The following GRM8 variants were observed in gnomAD, a reference collection of about 807,000 sequenced individuals.
GRM8 encodes the protein glutamate metabotropic receptor 8.
GRM8 carries 47 observed loss-of-function variants against 87.2 expected under a neutral mutation model. The observed-to-expected ratio is 0.54, with a 90% CI of 0.43 to 0.69. The LOEUF (loss-of-function observed/expected upper bound fraction) is 0.69. Among genes scored for constraint, GRM8 ranks in the 30% least tolerant of loss-of-function variants. The pLI is 0.00. For missense variants in GRM8, 1,019 were observed against 1,139.2 expected (o/e 0.89, Z 1.52); for synonymous variants, 396 against 404.5 (o/e 0.98, Z 0.25).
chr7:126,507,696 C>A (rs1441557769), intron 9 of GRM8, among the ~76,000 whole-genome samples: 1 of 152,188 alleles, frequency 6.6e-6, no homozygotes, highest in East Asian at 1.9e-4. Context: ...AAAGTATCAA[C>A]TTCCCTTTGA....
intron 8 of GRM8, among the ~76,000 whole-genome samples, chr7:126,556,337 T>A (rs202222094): frequency 9.0e-6 from 1 of 111,316 alleles, no homozygotes; most frequent in African/African-American, 3.4e-5. Context: ...TTCTCCTCTT[T>A]AAAAAAAAAA....
intron 3 of GRM8, among the ~76,000 whole-genome samples, chr7:126,989,825 G>A (rs1170583725): frequency 6.6e-6 from 1 of 152,092 alleles, no homozygotes; most frequent in African/African-American, 2.4e-5. Flanking sequence ...AGCCAGGCAT[G>A]GTGGTGCGTG....
intron 3 of GRM8, among the ~76,000 whole-genome samples, chr7:127,071,216 A>G (rs570832292): frequency 5.3e-5 from 8 of 152,272 alleles, no homozygotes; most frequent in Admixed American, 4.6e-4. Context: ...GGGGAAAAAA[A>G]ATACCTAAAA....
chr7:126,862,638 C>T (rs976693576), intron 6 of GRM8, among the ~76,000 whole-genome samples: 15 of 151,942 alleles, frequency 9.9e-5, no homozygotes, highest in Non-Finnish European at 1.9e-4. Context: ...TAATTTAATG[C>T]TTTAAATTAT....
chr7:126,490,930 T>C (rs1389825083), intron 9 of GRM8, among the ~76,000 whole-genome samples: 2 of 152,118 alleles, frequency 1.3e-5, no homozygotes, highest in East Asian at 1.9e-4. Flanking sequence ...GTAAATTCTT[T>C]ACAGAATCCT....
At chr7:127,051,738 G>GGA (rs1563454593) in intron 3 of GRM8, among the ~76,000 whole-genome samples, 2 of 13,050 alleles carry the variant, frequency 1.5e-4, no homozygotes, top group African/African-American at 3.8e-4. Context: ...ATAATGTTGA[G>GGA]CAAAAAAAAA....
intron 7 of GRM8, among the ~76,000 whole-genome samples, chr7:126,741,689 T>C (rs1815022954): frequency 1.3e-5 from 2 of 152,234 alleles, no homozygotes; most frequent in African/African-American, 2.4e-5. Context: ...TACGATAGTA[T>C]AATAATAAGG....
chr7:126,843,242 T>C (rs990664050), intron 6 of GRM8, among the ~76,000 whole-genome samples: 5 of 152,160 alleles, frequency 3.3e-5, no homozygotes, highest in Non-Finnish European at 7.3e-5. Context: ...TAACTAGCAG[T>C]GTGCCTAGTA....
chr7:126,557,820 A>G (rs1054453981), intron 8 of GRM8, among the ~76,000 whole-genome samples: 7 of 152,146 alleles, frequency 4.6e-5, no homozygotes, highest in African/African-American at 1.7e-4. Flanking sequence ...GTGTATATGT[A>G]TGTATATTAT....
chr7:126,481,205 C>T (rs534157034), intron 9 of GRM8, among the ~76,000 whole-genome samples: 10 of 151,676 alleles, frequency 6.6e-5, no homozygotes, highest in Non-Finnish European at 1.2e-4. Flanking sequence ...AATTAGTGAA[C>T]GAAAAAGGAA....
intron 9 of GRM8, among the ~76,000 whole-genome samples, chr7:126,477,589 A>AAGAAAGAAAG (rs1554446024): frequency 1.2e-5 from 1 of 86,052 alleles, no homozygotes; most frequent in African/African-American, 5.7e-5. Context: ...GAGAGAAAGA[A>AAGAAAGAAAG]AGAAAGAAAG....
chr7:127,013,583 T>C (rs534148538), intron 3 of GRM8, among the ~76,000 whole-genome samples: 1 of 152,244 alleles, frequency 6.6e-6, no homozygotes, highest in South Asian at 2.1e-4. Flanking sequence ...CCCTGATGTG[T>C]AGCCTTTCCC....
At chr7:126,702,638 C>T (rs1404724408) in intron 7 of GRM8, among the ~76,000 whole-genome samples, 1 of 152,152 alleles carries the variant, frequency 6.6e-6, no homozygotes, top group Non-Finnish European at 1.5e-5. Context: ...GTAGTACAAC[C>T]CTGAAGCCAG....
At chr7:127,042,991 T>C (rs1818575388) in intron 3 of GRM8, among the ~76,000 whole-genome samples, 1 of 152,212 alleles carries the variant, frequency 6.6e-6, no homozygotes, top group African/African-American at 2.4e-5. Flanking sequence ...GACATTTATG[T>C]AGCCAAAAGA....
At position 126,944,206 on chromosome 7, in the gene GRM8, A is replaced by T. The variant is rs1807282106; in HGVS notation, c.728-39523T>A. Among the ~76,000 whole-genome samples the T allele has an allele frequency of 2.0e-5, 3 of 152,276 alleles. No homozygotes were observed. In the South Asian group the frequency reaches 6.2e-4, roughly 32 times the overall value. On this transcript the variant is annotated intron_variant, in intron 3 of 10. Coordinates refer to ENST00000339582, the MANE Select transcript of GRM8 (RefSeq NM_000845.3). Reference sequence around the variant, plus strand: ...CACCAACAATGGAAAACAGGATCAAACATATCCAAAATAAATCTTATAATG... The same window carrying T: ...CACCAACAATGGAAAACAGGATCAATCATATCCAAAATAAATCTTATAATG...
intron 3 of GRM8, among the ~76,000 whole-genome samples, chr7:126,910,202 C>T (rs1177140183): frequency 6.6e-6 from 1 of 152,098 alleles, no homozygotes; most frequent in Non-Finnish European, 1.5e-5. Context: ...GATGCATGTT[C>T]TCAGGAAGAC....
intron 6 of GRM8, chr7:126,869,438 T>G (rs1798890904): frequency 6.6e-6 from 1 of 152,236 alleles, no homozygotes; most frequent in African/African-American, 2.4e-5. Context: ...AATGTACTTT[T>G]CCCAGATCCA....
chr7:127,073,713 C>T lies in GRM8; in HGVS notation c.727+32783G>A, dbSNP rs1182612959. ...GTTTTAGGAGCCACTCAGGTTCTCA[C>T]GAATCATGAGGTGGGAGCAAGCCAC... is the stretch of plus-strand genomic sequence containing the variant. On this transcript the variant is annotated intron_variant, in intron 3 of 10. Coordinates refer to ENST00000339582, the MANE Select transcript of GRM8 (RefSeq NM_000845.3). Among the ~76,000 whole-genome samples, 5 of 152,116 alleles carry T rather than the reference C, an allele frequency of 3.3e-5. No individual in the cohort carries two copies. In the South Asian group the frequency reaches 8.3e-4, roughly 25 times the overall value.
intron 3 of GRM8, among the ~76,000 whole-genome samples, chr7:126,918,230 G>A (rs1325614622): frequency 6.6e-6 from 1 of 152,166 alleles, no homozygotes; most frequent in Non-Finnish European, 1.5e-5. Flanking sequence ...ATGATACATT[G>A]ATATGCATCA....
Sources: allele counts gnomAD v4.1 joint callset (sites outside exome capture counted in the v4.1 genomes callset), GRCh38; gene constraint gnomAD v4.1.1; transcripts MANE v1.5; gene names NCBI Gene and HGNC (gene_info 2026-07-23, HGNC 2026-07-21).